NRAP: variants seen among roughly 807,000 people sequenced by gnomAD.
NRAP encodes the protein nebulin-related-anchoring protein.
NRAP carries 189 observed loss-of-function variants against 225.9 expected under a neutral mutation model. The observed-to-expected ratio is 0.84, with a 90% CI of 0.74 to 0.94. The LOEUF is 0.94. Ranked by LOEUF, NRAP falls within the 40% of genes least tolerant of loss-of-function variation. The pLI is 0.00. For missense variants in NRAP, 2,176 were observed against 2,168.7 expected, an observed-to-expected ratio of 1.00 and a Z score of -0.07; for synonymous variants, 769 against 790.7, an observed-to-expected ratio of 0.97 and a Z score of 0.46.
chr10:113,624,423 A>G (rs557766186), intron 22 of NRAP, among the ~76,000 whole-genome samples: 92 of 152,312 alleles, frequency 6.0e-4, no homozygotes, highest in African/African-American at 2.1e-3. Flanking sequence ...CATTTTACCA[A>G]TGGGACACCT....
At position 113,629,777 on chromosome 10, in the gene NRAP, A is replaced by G; in HGVS notation, c.1851T>C (p.Tyr617=). 6.2e-7 allele frequency: 1 copy of G among 1,611,610 alleles called. No individual in the cohort carries two copies. Among genetic ancestry groups the G allele is most frequent in the Non-Finnish European group, 8.5e-7 (1 of 1,177,676 alleles). The change falls in exon 19 of 42, where the codon TAT becomes TAC. Residue 617 remains tyrosine (Y), a synonymous_variant. Coordinates refer to ENST00000359988, the MANE Select transcript of NRAP (RefSeq NM_198060.4). Reference sequence around the variant, plus strand: ...TCTTACTCTCTTCAAAGCCTTTCTTATATTCAACCTTGAATATACCAAAAC... The same window carrying G: ...TCTTACTCTCTTCAAAGCCTTTCTTGTATTCAACCTTGAATATACCAAAAC... ...QIAKMSSEVE[Y]KKGFEESKTR... is the part of the protein sequence containing the mutation.
Position 113,590,584 on chromosome 10 carries a change from C to G in NRAP, c.4950G>C (p.Gln1650His). The G allele has an allele frequency of 1.2e-5, 20 of 1,610,376 alleles. No homozygotes were observed. The highest frequency in any genetic ancestry group is 1.7e-5 in the Non-Finnish European group (20 of 1,179,534). The change falls in exon 40 of 42, where the codon CAG becomes CAC. Residue 1650 changes from glutamine (Q) to histidine (H), a missense_variant. By Grantham distance (24) the Gln-to-His change is conservative (BLOSUM62 0). Around this residue, in one of 3 missense-constraint regions of NRAP, gnomAD observed 445 missense variants for 426.1 expected, o/e 1.04. Transcript: ENST00000359988. ...LRHAQKAHQL[Q>H]SDVKYKSDLN... Reference sequence around the variant, plus strand: ...GTGGGTGGAGGTGGCTCACATCACTCTGCAGCTGGTGGGCCTTCTGAGCAT... The same window carrying G: ...GTGGGTGGAGGTGGCTCACATCACTGTGCAGCTGGTGGGCCTTCTGAGCAT...
chr10:113,640,399 G>T, intron 13 of NRAP, 68 bp from the exon 14 acceptor site: 1 of 862,414 alleles, frequency 1.2e-6, no homozygotes, highest in Non-Finnish European at 1.8e-6. Flanking sequence ...TTGTTTGAAT[G>T]CCATAAGAAA....
chr10:113,601,935 A>C (rs1315189382), intron 35 of NRAP, among the ~76,000 whole-genome samples: 6 of 152,256 alleles, frequency 3.9e-5, no homozygotes, highest in Admixed American at 3.9e-4. Flanking sequence ...ACCCAGGCTG[A>C]AGTGCAGTAG....
intron 20 of NRAP, among the ~76,000 whole-genome samples, chr10:113,628,112 G>A (rs1848383247): frequency 6.6e-6 from 1 of 152,198 alleles, no homozygotes; most frequent in Admixed American, 6.5e-5. Flanking sequence ...AGCTTTCTAT[G>A]GTGTAAAGAG....
chr10:113,620,781 G>T, intron 24 of NRAP, 73 bp from the exon 25 acceptor site: 2 of 1,033,738 alleles, frequency 1.9e-6, no homozygotes, highest in South Asian at 1.3e-5. Context: ...GCTATTAGCG[G>T]CTCCCAACAC....
chr10:113,650,167 G>A lies in NRAP; in HGVS notation c.784-26C>T, dbSNP rs78495522. On this transcript the variant is annotated intron_variant, in intron 8 of 41. Coordinates refer to ENST00000359988, the MANE Select transcript of NRAP (RefSeq NM_198060.4). ...CTGTTTTAAGGCAAAGGACAAACTC[G>A]GTGAATTTGACTCCCATGCACAGGA... The A allele has an allele frequency of 2.5e-3, 3,615 of 1,455,888 alleles. 76 individuals carry two copies. The African/African-American group carries it at 0.043, about 17-fold the overall frequency. 90.2% of individuals were successfully genotyped at this position (1,455,888 alleles called of 1,614,324 possible).
intron 30 of NRAP, among the ~76,000 whole-genome samples, chr10:113,611,703 T>A (rs1257786956): frequency 6.6e-6 from 1 of 152,108 alleles, no homozygotes; most frequent in Non-Finnish European, 1.5e-5. Flanking sequence ...CTGAGCAGCC[T>A]CTCCCAACAG....
chr10:113,598,202 G>A (rs1846396294), intron 35 of NRAP, 129 bp from the exon 36 acceptor site: 3 of 699,446 alleles, frequency 4.3e-6, no homozygotes, highest in African/African-American at 3.5e-5. Context: ...ATCTTCACTG[G>A]GAGTACATTC....
chr10:113,653,728 T>C (rs3127114), intron 5 of NRAP, among the ~76,000 whole-genome samples: 133,644 of 152,176 alleles, frequency 0.88, 58,761 homozygotes, highest in East Asian at 0.91. Context: ...AATGGGCCAT[T>C]GGAGATGGTT....
chr10:113,654,441 T>C (rs1038303893), intron 4 of NRAP, among the ~76,000 whole-genome samples: 1 of 148,274 alleles, frequency 6.7e-6, no homozygotes, highest in Non-Finnish European at 1.5e-5. Context: ...TAATCAACAT[T>C]ATTCAGACAA....
rs3121482 is a variant in NRAP, at chr10:113,646,702, A to G, written c.993+221T>C. On this transcript the variant is annotated intron_variant, in intron 10 of 41. Coordinates refer to ENST00000359988, the MANE Select transcript of NRAP (RefSeq NM_198060.4). ...CTGGCCAGCCTCTGTACTTGCTTCA[A>G]TGGCCTCAAGCGAGCTATGCTGGCT... Among the ~76,000 whole-genome samples the G allele has an allele frequency of 0.56, 85,499 of 152,162 alleles. 25,056 individuals are homozygous for G. Among genetic ancestry groups the G allele is most frequent in the East Asian group, 0.73 (3,772 of 5,174 alleles).
At position 113,608,474 on chromosome 10, in the gene NRAP, T is replaced by C. The variant is rs1319856411; in HGVS notation, c.3642A>G (p.Thr1214=). ...GGAGGTTGGGAGTGTCTGTCACAGC[T>C]GTGTACTTGAATGAGTGGGGATGCT... is the stretch of plus-strand genomic sequence containing the variant. ...YRQHPHSFKY[T]AVTDTPNLLH... is the part of the protein sequence containing the mutation. The change falls in exon 32 of 42, where the codon ACA becomes ACG. Residue 1214 remains threonine, a synonymous_variant. Transcript: ENST00000359988. 1 of 1,613,682 alleles carries C rather than the reference T, an allele frequency of 6.2e-7. No individual in the cohort carries two copies. The highest frequency in any genetic ancestry group is 8.5e-7 in the Non-Finnish European group (1 of 1,179,678).
chr10:113,631,486 T>C lies in NRAP; in HGVS notation c.1842+23A>G, dbSNP rs781404816. On this transcript the variant is annotated intron_variant, in intron 18 of 41. Coordinates refer to ENST00000359988, the MANE Select transcript of NRAP (RefSeq NM_198060.4). Reference sequence around the variant, plus strand: ...AAATAACACAACTGTAAGTGAGAGGTTGGGGGTTAGAAAAGAGTTTACCTC... The same window carrying C: ...AAATAACACAACTGTAAGTGAGAGGCTGGGGGTTAGAAAAGAGTTTACCTC... 2.6e-5 allele frequency: 37 copies of C among 1,447,142 alleles called. No individual in the cohort carries two copies. The South Asian group carries it at 4.2e-4, about 17-fold the overall frequency. The allele number at this position is 1,447,142 out of a possible 1,614,324, so 89.6% of individuals were successfully genotyped here. A position where few individuals can be genotyped will look rare whatever the true frequency, so the allele number is the denominator to read the frequency against.
rs1848922116 is a variant in NRAP at position 113,637,184 on chromosome 10, C to T, written c.1429-2974G>A. On this transcript the variant is annotated intron_variant, in intron 14 of 41. Coordinates refer to ENST00000359988, the MANE Select transcript of NRAP (RefSeq NM_198060.4). ...TCATAATTATGACTAACACATGGTA[C>T]TTACTATGCACCCAGCACCATTCCA... Among the ~76,000 whole-genome samples the T allele has an allele frequency of 2.6e-5, 4 of 152,170 alleles. No homozygotes were observed. The South Asian group carries it at 8.3e-4, about 32-fold the overall frequency.
Position 113,605,820 on chromosome 10 carries a change from A to G in NRAP, c.3857T>C (p.Leu1286Pro). Residue 1286 changes from leucine (L) to proline (P), a missense_variant, in exon 34 of 42, where the codon CTG becomes CCG. Physicochemically the swap from Leu to Pro is moderately conservative, Grantham distance 98 (BLOSUM62 -3). Around this residue, in one of 3 missense-constraint regions of NRAP, gnomAD observed 1,708 missense variants for 1,695.5 expected, o/e 1.01. Transcript: ENST00000359988. ...CTGGAAGGGGAGCGCTTCTATTGTC[A>G]GCTTGTAGCCTTGAGCACGAAGATT... Reference protein sequence around the residue: ...WRNLRAQGYKLTIEALPFQAA... With the variant: ...WRNLRAQGYKPTIEALPFQAA... 1 of 1,614,194 alleles carries G rather than the reference A, an allele frequency of 6.2e-7. No individual in the cohort carries two copies. The highest frequency in any genetic ancestry group is 1.1e-5 in the South Asian group (1 of 91,086).
Position 113,607,033 on chromosome 10 carries a change from T to A in NRAP, c.3703-751A>T, listed in dbSNP as rs963403074. 3.3e-5 allele frequency among the ~76,000 whole-genome samples: 5 copies of A among 152,088 alleles called. No homozygotes were observed. In the South Asian group the frequency reaches 1.0e-3, roughly 32 times the overall value. ...GCCTGACCAAGATGGAGAAACCCCA[T>A]CTCTACTAAAATACTAAATTAGCCT... On this transcript the variant is annotated intron_variant, in intron 32 of 41. Transcript: ENST00000359988.
rs1161772232 is a variant in NRAP at position 113,588,840 on chromosome 10, G to GTTA, written c.*132_*134dup. ...ACAACATTCTCCATCTGCTTTCAGA[G>GTTA]TTATTATTTTAATAAAGGAAGATCT... On this transcript the variant is annotated 3_prime_UTR_variant, in exon 42 of 42. Transcript: ENST00000359988. 4.3e-6 allele frequency: 3 copies of GTTA among 700,014 alleles called. No individual in the cohort carries two copies. Among genetic ancestry groups the GTTA allele is most frequent in the Admixed American group, 4.6e-5 (2 of 43,048 alleles). The allele number at this position is 700,014 out of a possible 1,614,324, so 43.4% of individuals were successfully genotyped here. A position where few individuals can be genotyped will look rare whatever the true frequency, so the allele number is the denominator to read the frequency against.
chr10:113,615,576 T>C (rs763721426), intron 27 of NRAP, 136 bp downstream of exon 27: 15 of 668,592 alleles, frequency 2.2e-5, no homozygotes, highest in Non-Finnish European at 3.0e-5. Context: ...TGTTCAAAAA[T>C]ATCACATATT....
Sources: allele counts gnomAD v4.1 joint callset (sites outside exome capture counted in the v4.1 genomes callset), GRCh38; gene constraint gnomAD v4.1.1; regional missense constraint gnomAD v4.1.1; transcripts MANE v1.5; gene names NCBI Gene and HGNC (gene_info 2026-07-23, HGNC 2026-07-21).